The following AGBL4 variants were observed in gnomAD, a reference collection of about 807,000 sequenced individuals.
AGBL4 encodes cytosolic carboxypeptidase 6.
A neutral mutation model predicts 66.4 loss-of-function variants in AGBL4; 58 were observed. That is an observed-to-expected ratio of 0.87 (90% CI 0.71 to 1.09). The LOEUF is 1.09. Among genes scored for constraint, AGBL4 ranks in the 50% least tolerant of loss-of-function variants. The pLI, the probability that AGBL4 is intolerant of heterozygous loss-of-function variation, is 0.00. For missense variants in AGBL4, 579 were observed against 631.0 expected (o/e 0.92, Z 0.88); for synonymous variants, 234 against 222.9 (o/e 1.05, Z -0.44).
At chr1:48,583,046 T>C (rs1337854524) in intron 11 of AGBL4, among the ~76,000 whole-genome samples, 2 of 152,164 alleles carry the variant, frequency 1.3e-5, no homozygotes, top group African/African-American at 4.8e-5. Context: ...CTGGCCTCCA[T>C]GATACTAGGA....
chr1:49,671,368 A>C (rs1232050282), intron 3 of AGBL4, among the ~76,000 whole-genome samples: 1 of 152,196 alleles, frequency 6.6e-6, no homozygotes, highest in African/African-American at 2.4e-5. Context: ...TAAAACCCCA[A>C]AGTATAAAAA....
chr1:49,122,650 A>T (rs1158854578), intron 4 of AGBL4, among the ~76,000 whole-genome samples: 1 of 152,140 alleles, frequency 6.6e-6, no homozygotes, highest in Non-Finnish European at 1.5e-5. Flanking sequence ...GTTTAATCCT[A>T]ACTCCCTCTT....
At chr1:48,534,968 T>C in intron 12 of AGBL4, 52 bp from the exon 13 acceptor site, 7 of 1,513,866 alleles carry the variant, frequency 4.6e-6, no homozygotes, top group Non-Finnish European at 6.3e-6. Context: ...CTCTAGTAAA[T>C]GGAAGTTGAA....
chr1:48,924,318 A>G (rs1227481301), intron 5 of AGBL4, among the ~76,000 whole-genome samples: 1 of 150,830 alleles, frequency 6.6e-6, no homozygotes, highest in East Asian at 1.9e-4. Context: ...ATAAATAAAT[A>G]GGCTTATGCT....
At chr1:48,546,864 AACACACACACACAC>A (rs58136623) in intron 11 of AGBL4, among the ~76,000 whole-genome samples, 1 of 128,298 alleles carries the variant, frequency 7.8e-6, no homozygotes, top group African/African-American at 2.9e-5. Flanking sequence ...AAAACAAACA[AACACACACACACAC>A]ACACACACAC....
chr1:48,992,012 G>A (rs548142179), intron 5 of AGBL4, among the ~76,000 whole-genome samples: 1 of 152,194 alleles, frequency 6.6e-6, no homozygotes, highest in East Asian at 1.9e-4. Flanking sequence ...CATTTGGTGA[G>A]GTCATGTTTT....
rs532535045 is a variant in AGBL4 at position 48,880,372 on chromosome 1, G to A, written c.595-13142C>T. Reference sequence around the variant, plus strand: ...TTCTTTATCCACTCATTAATTGATGGTCATTTGGGTTGGTGCCTCATTTTT... The same window carrying A: ...TTCTTTATCCACTCATTAATTGATGATCATTTGGGTTGGTGCCTCATTTTT... On this transcript the variant is annotated intron_variant, in intron 5 of 13. Coordinates refer to ENST00000371839, the MANE Select transcript of AGBL4 (RefSeq NM_032785.4). 2.0e-5 allele frequency among the ~76,000 whole-genome samples: 3 copies of A among 152,180 alleles called. No homozygotes were observed. The East Asian group carries it at 5.8e-4, about 29-fold the overall frequency.
At chr1:49,686,379 G>A (rs1646788609) in intron 3 of AGBL4, among the ~76,000 whole-genome samples, 1 of 152,180 alleles carries the variant, frequency 6.6e-6, no homozygotes, top group African/African-American at 2.4e-5. Context: ...CAATGCCATT[G>A]GCCTAGTTCC....
intron 3 of AGBL4, among the ~76,000 whole-genome samples, chr1:49,309,255 T>A (rs1380730888): frequency 1.3e-5 from 2 of 152,106 alleles, no homozygotes; most frequent in East Asian, 1.9e-4. Flanking sequence ...TTGTATTTTT[T>A]AAGATTATTT....
At chr1:49,599,663 T>A (rs1644916746) in intron 3 of AGBL4, among the ~76,000 whole-genome samples, 1 of 152,158 alleles carries the variant, frequency 6.6e-6, no homozygotes, top group Non-Finnish European at 1.5e-5. Context: ...AGGTTTTGAA[T>A]TTGTTTGTTC....
intron 4 of AGBL4, among the ~76,000 whole-genome samples, chr1:49,208,957 T>C (rs879750192): frequency 6.6e-6 from 1 of 151,904 alleles, no homozygotes; most frequent in Non-Finnish European, 1.5e-5. Context: ...ATGAAGAGAA[T>C]CTTCATTACC....
chr1:49,255,323 A>G (rs192848373), intron 3 of AGBL4, among the ~76,000 whole-genome samples: 1 of 152,314 alleles, frequency 6.6e-6, no homozygotes, highest in East Asian at 1.9e-4. Context: ...ATTTACAAGA[A>G]AAAACAAACA....
intron 1 of AGBL4, among the ~76,000 whole-genome samples, chr1:49,973,800 T>A (rs1390621774): frequency 1.3e-5 from 2 of 151,108 alleles, no homozygotes; most frequent in Non-Finnish European, 3.0e-5. Flanking sequence ...AATGCCTGCA[T>A]AGGACAAGGA....
intron 3 of AGBL4, among the ~76,000 whole-genome samples, chr1:49,282,620 T>A (rs549140391): frequency 6.6e-6 from 1 of 152,118 alleles, no homozygotes; most frequent in South Asian, 2.1e-4. Flanking sequence ...CGGGTTCATC[T>A]CACTAGGGAG....
intron 4 of AGBL4, among the ~76,000 whole-genome samples, chr1:49,100,431 G>A (rs1454366642): frequency 6.6e-6 from 1 of 152,180 alleles, no homozygotes; most frequent in Non-Finnish European, 1.5e-5. Context: ...CCAGGAACTG[G>A]GGCAATATGT....
At chr1:48,747,475 G>A (rs1047521783) in intron 6 of AGBL4, among the ~76,000 whole-genome samples, 7 of 152,166 alleles carry the variant, frequency 4.6e-5, no homozygotes, top group African/African-American at 1.7e-4. Context: ...AGGCACTGGG[G>A]ACCCAGAGAC....
At chr1:49,803,510 T>C (rs563768976) in intron 2 of AGBL4, among the ~76,000 whole-genome samples, 14 of 152,190 alleles carry the variant, frequency 9.2e-5, no homozygotes, top group Non-Finnish European at 1.3e-4. Flanking sequence ...AATGAATGCA[T>C]TGTTTATTGA....
chr1:49,917,105 C>A (rs528436676), intron 1 of AGBL4, among the ~76,000 whole-genome samples: 1 of 152,154 alleles, frequency 6.6e-6, no homozygotes. Context: ...TGCAAAGGAA[C>A]AACCGGTACC....
intron 5 of AGBL4, among the ~76,000 whole-genome samples, chr1:48,942,470 T>A (rs959062466): frequency 6.6e-6 from 1 of 152,146 alleles, no homozygotes; most frequent in African/African-American, 2.4e-5. Context: ...ACAATGAAAC[T>A]ATTAGAGGGC....
Sources: allele counts gnomAD v4.1 joint callset (sites outside exome capture counted in the v4.1 genomes callset), GRCh38; gene constraint gnomAD v4.1.1; transcripts MANE v1.5; gene names NCBI Gene and HGNC (gene_info 2026-07-23, HGNC 2026-07-21).